The following NFATC3 variants were observed in gnomAD, a reference collection of about 807,000 sequenced individuals.
The protein encoded by NFATC3 is nuclear factor of activated T cells 3.
In NFATC3, 46 loss-of-function variants were observed where a neutral mutation model predicts 98.6. The observed-to-expected ratio is 0.47, with a 90% CI of 0.37 to 0.60. The LOEUF (loss-of-function observed/expected upper bound fraction) is 0.60. Ranked by LOEUF, NFATC3 falls within the 20% of genes least tolerant of loss-of-function variation. The pLI, the probability that NFATC3 is intolerant of heterozygous loss-of-function variation, is 0.00. For synonymous variants in NFATC3, 512 were observed against 472.2 expected, an observed-to-expected ratio of 1.08 and a Z score of -1.09; for missense variants, 1,256 against 1,295.5, an observed-to-expected ratio of 0.97 and a Z score of 0.47.
intron 9 of NFATC3, among the ~76,000 whole-genome samples, chr16:68,197,724 C>G (rs1232139711): frequency 1.3e-5 from 2 of 152,190 alleles, no homozygotes; most frequent in Admixed American, 6.5e-5. Flanking sequence ...AATTTCCACT[C>G]TACAACCACA....
intron 1 of NFATC3, among the ~76,000 whole-genome samples, chr16:68,120,975 T>C (rs1598398640): frequency 6.6e-6 from 1 of 152,176 alleles, no homozygotes; most frequent in African/African-American, 2.4e-5. Context: ...TTAAAAAATA[T>C]TGTCCAAAAT....
chr16:68,192,328 T>G (rs1433494175), intron 9 of NFATC3: 1 of 141,656 alleles, frequency 7.1e-6, no homozygotes, highest in Non-Finnish European at 1.5e-5. Context: ...TGTATATATA[T>G]ATATAGAGAG....
intron 9 of NFATC3, among the ~76,000 whole-genome samples, chr16:68,220,009 C>A (rs929321120): frequency 2.0e-5 from 3 of 152,202 alleles, no homozygotes; most frequent in African/African-American, 7.2e-5. Flanking sequence ...TTGAACATTT[C>A]TTGAATACGA....
In NFATC3 at chr16:68,226,575, T is replaced by G; in HGVS notation, c.*104T>G. 1.5e-6 allele frequency: 2 copies of G among 1,306,236 alleles called. No homozygotes were observed. Among genetic ancestry groups the G allele is most frequent in the Non-Finnish European group, 2.0e-6 (2 of 992,662 alleles). The allele number at this position is 1,306,236 out of a possible 1,614,324, so 80.9% of individuals were successfully genotyped here. A position where few individuals can be genotyped will look rare whatever the true frequency, so the allele number is the denominator to read the frequency against. On this transcript the variant is annotated 3_prime_UTR_variant, in exon 10 of 10. Transcript: ENST00000346183. ...CAGCCTTCAGGTCTGGGGCCAGGAG[T>G]GGGACCCACCATTTGTGGGGAAAGT...
chr16:68,217,928 A>G (rs773666630), intron 9 of NFATC3: 9 of 1,225,892 alleles, frequency 7.3e-6, no homozygotes, highest in Middle Eastern at 3.1e-4. Context: ...CAGTGTGACT[A>G]ACTAAACCTC....
At chr16:68,148,766 A>G (rs1456523474) in intron 3 of NFATC3, among the ~76,000 whole-genome samples, 1 of 152,176 alleles carries the variant, frequency 6.6e-6, no homozygotes, top group East Asian at 1.9e-4. Context: ...CTAGCACCTT[A>G]GGAGGTTGAG....
chr16:68,147,548 C>T (rs2038098884), intron 3 of NFATC3, among the ~76,000 whole-genome samples: 1 of 152,108 alleles, frequency 6.6e-6, no homozygotes, highest in Non-Finnish European at 1.5e-5. Context: ...TGGATACTGT[C>T]CTCTTCACAG....
intron 6 of NFATC3, 62 bp from the exon 7 acceptor site, chr16:68,181,413 G>C (rs1350980658): frequency 1.6e-6 from 2 of 1,234,770 alleles, no homozygotes; most frequent in African/African-American, 3.0e-5. Context: ...CCATGCATTA[G>C]ATTTTGTCTG....
intron 1 of NFATC3, among the ~76,000 whole-genome samples, chr16:68,099,752 A>G (rs560241606): frequency 3.4e-4 from 51 of 152,182 alleles, no homozygotes; most frequent in African/African-American, 1.2e-3. Context: ...TCTCCAAAGT[A>G]TTATTTCAAG....
At chr16:68,205,486 T>C (rs2151144895) in intron 9 of NFATC3, among the ~76,000 whole-genome samples, 1 of 152,282 alleles carries the variant, frequency 6.6e-6, no homozygotes, top group South Asian at 2.1e-4. Context: ...CCCAAAGTGC[T>C]AGGATTACAG....
intron 8 of NFATC3, 75 bp downstream of exon 8, chr16:68,183,441 T>TTTAACGAATCCTATAAACACTC: frequency 2.0e-6 from 3 of 1,529,094 alleles, no homozygotes; most frequent in Non-Finnish European, 2.7e-6. Context: ...GAATCCTATA[T>TTTAACGAATCCTATAAACACTC]TACAGTGTTT....
At position 68,106,855 on chromosome 16, in the gene NFATC3, T is replaced by A. The variant is rs116248743; in HGVS notation, c.104-15132T>A. Among the ~76,000 whole-genome samples, 1,048 of 152,194 alleles carry A rather than the reference T, an allele frequency of 6.9e-3. 17 individuals are homozygous for A. The highest frequency in any genetic ancestry group is 0.024 in the African/African-American group (976 of 41,498). On this transcript the variant is annotated intron_variant, in intron 1 of 9. Transcript: ENST00000346183. ...TAGTTTGCCACACCTGTCAAGCCAT[T>A]ACCTAAGTGTTAAGCCCAGCATGCA...
At position 68,183,314 on chromosome 16, in the gene NFATC3, T is replaced by C. The variant is rs766785919; in HGVS notation, c.2046T>C (p.Leu682=). 8 of 1,613,654 alleles carry C rather than the reference T, an allele frequency of 5.0e-6. No individual in the cohort carries two copies. The South Asian group carries it at 7.7e-5, about 16-fold the overall frequency. The change falls in exon 8 of 10, where the codon CTT becomes CTC. Residue 682 remains leucine, a synonymous_variant. Transcript: ENST00000346183. ...VTAAVQVHFY[L]CNGKRKKSQS... Reference sequence around the variant, plus strand: ...CTGCAGTGCAGGTGCACTTTTATCTTTGCAATGGCAAGAGGAAAAAAAGCC... The same window carrying C: ...CTGCAGTGCAGGTGCACTTTTATCTCTGCAATGGCAAGAGGAAAAAAAGCC...
rs189054768 is a variant in NFATC3, at chr16:68,166,656, T to G, written c.1602-187T>G. Among the ~76,000 whole-genome samples the G allele has an allele frequency of 4.5e-4, 69 of 152,362 alleles. No individual in the cohort carries two copies. The East Asian group carries it at 0.012, about 27-fold the overall frequency. On this transcript the variant is annotated intron_variant, in intron 4 of 9. Transcript: ENST00000346183. ...GACAATCTGCTAAGTTTTGCACTTT[T>G]ATCGTACAAAAATATTTTTAATGCC...
chr16:68,182,347 T>G (rs1187148764), intron 7 of NFATC3, among the ~76,000 whole-genome samples: 3 of 152,204 alleles, frequency 2.0e-5, no homozygotes, highest in Non-Finnish European at 4.4e-5. Context: ...TTTTCTGGGC[T>G]AGGGAATACC....
chr16:68,217,667 G>A, intron 9 of NFATC3: 7 of 1,231,332 alleles, frequency 5.7e-6, no homozygotes, highest in Non-Finnish European at 7.1e-6. Context: ...TGATAATTCA[G>A]AGATCAAGAT....
At chr16:68,091,049 A>G (rs2034680980) in intron 1 of NFATC3, among the ~76,000 whole-genome samples, 1 of 152,172 alleles carries the variant, frequency 6.6e-6, no homozygotes, top group African/African-American at 2.4e-5. Context: ...AATCGAGGAA[A>G]AATTTCAATG....
intron 3 of NFATC3, among the ~76,000 whole-genome samples, chr16:68,155,960 G>A (rs1276672077): frequency 6.6e-6 from 1 of 152,210 alleles, no homozygotes; most frequent in East Asian, 1.9e-4. Flanking sequence ...AGGAAAAGGT[G>A]GATTCCGTAT....
chr16:68,093,024 T>G (rs572039297), intron 1 of NFATC3, among the ~76,000 whole-genome samples: 3 of 152,330 alleles, frequency 2.0e-5, no homozygotes, highest in South Asian at 4.1e-4. Context: ...GAGGTTATCT[T>G]CAATTCCCAC....
Sources: allele counts gnomAD v4.1 joint callset (sites outside exome capture counted in the v4.1 genomes callset), GRCh38; gene constraint gnomAD v4.1.1; transcripts MANE v1.5; gene names NCBI Gene and HGNC (gene_info 2026-07-23, HGNC 2026-07-21).